The following B4GALT6 variants were observed in gnomAD, a reference collection of about 807,000 sequenced individuals.
The protein encoded by B4GALT6 is UDP-Gal:beta-GlcNAc beta-1,4-galactosyltransferase 6.
In B4GALT6, 14 loss-of-function variants were observed where a neutral mutation model predicts 46.3. The observed-to-expected ratio is 0.30, with a 90% confidence interval of 0.20 to 0.47. The LOEUF is 0.47. Ranked by LOEUF, B4GALT6 falls within the 20% of genes least tolerant of loss-of-function variation. The pLI is 0.99. For synonymous variants in B4GALT6, 168 were observed against 162.0 expected (o/e 1.04, Z -0.28); for missense variants, 386 against 480.1 (o/e 0.80, Z 1.83).
intron 1 of B4GALT6, among the ~76,000 whole-genome samples, chr18:31,676,756 G>A (rs902299677): frequency 1.3e-5 from 2 of 152,162 alleles, no homozygotes; most frequent in Admixed American, 6.5e-5. Context: ...ACCATTTGGG[G>A]TATTTTTCAG....
the B4GALT6 span, among the ~76,000 whole-genome samples, chr18:31,709,304 A>G: frequency 6.6e-6 from 1 of 151,654 alleles, no homozygotes; most frequent in South Asian, 2.1e-4. Flanking sequence ...ACCTCAAGCA[A>G]TCCTTCCTCT....
the B4GALT6 span, among the ~76,000 whole-genome samples, chr18:31,708,605 AC>A: frequency 1.3e-5 from 2 of 152,110 alleles, no homozygotes; most frequent in African/African-American, 4.8e-5. Context: ...AATTAAAAAA[AC>A]CACTAGAATA....
chr18:31,700,468 T>TGTGTGTGAGTGTGTGTGTGA, the B4GALT6 span, among the ~76,000 whole-genome samples: 7 of 148,280 alleles, frequency 4.7e-5, 1 homozygote, highest in Non-Finnish European at 1.0e-4. Flanking sequence ...TGTGTGTGTG[T>TGTGTGTGAGTGTGTGTGTGA]GAGAGAGAGA....
At chr18:31,660,259 AAT>A (rs962339870) in intron 2 of B4GALT6, among the ~76,000 whole-genome samples, 6 of 151,962 alleles carry the variant, frequency 3.9e-5, no homozygotes, top group Non-Finnish European at 7.4e-5. Flanking sequence ...TGATTCTTTA[AAT>A]ATATATATCT....
At chr18:31,631,908 TA>T (rs2073796259) in intron 5 of B4GALT6, among the ~76,000 whole-genome samples, 3 of 152,192 alleles carry the variant, frequency 2.0e-5, no homozygotes. Context: ...TAGTTTCTAT[TA>T]TTGCTTATGA....
At chr18:31,642,845 C>T (rs979590904) in intron 4 of B4GALT6, among the ~76,000 whole-genome samples, 2 of 152,150 alleles carry the variant, frequency 1.3e-5, no homozygotes, top group South Asian at 2.1e-4. Context: ...CCACCACGCC[C>T]GGCTAATTTT....
the B4GALT6 span, among the ~76,000 whole-genome samples, chr18:31,699,792 G>A: frequency 6.6e-6 from 1 of 152,152 alleles, no homozygotes; most frequent in African/African-American, 2.4e-5. Flanking sequence ...TACATAAAGT[G>A]TAATAACTCA....
At chr18:31,650,334 A>G (rs370602124) in intron 3 of B4GALT6, among the ~76,000 whole-genome samples, 1 of 152,240 alleles carries the variant, frequency 6.6e-6, no homozygotes, top group Non-Finnish European at 1.5e-5. Context: ...AACTGAACAC[A>G]TTTCAACGGC....
chr18:31,690,587 C>T (rs918094422), upstream of B4GALT6, among the ~76,000 whole-genome samples: 3 of 152,160 alleles, frequency 2.0e-5, no homozygotes, highest in Non-Finnish European at 4.4e-5. Flanking sequence ...CTGCTGGCCT[C>T]AGCCTCCCAA....
At chr18:31,641,220 A>C (rs553873784) in intron 4 of B4GALT6, among the ~76,000 whole-genome samples, 2 of 152,248 alleles carry the variant, frequency 1.3e-5, no homozygotes, top group African/African-American at 4.8e-5. Flanking sequence ...GTAAAGTTCT[A>C]GCTCCTAATA....
upstream of B4GALT6, among the ~76,000 whole-genome samples, chr18:31,685,110 C>T (rs1195392046): frequency 6.8e-6 from 1 of 146,218 alleles, no homozygotes; most frequent in Non-Finnish European, 1.5e-5. Flanking sequence ...CCCGGCGCCC[C>T]GCGGCCGCCG....
intron 1 of B4GALT6, among the ~76,000 whole-genome samples, chr18:31,671,127 T>C (rs985618983): frequency 2.0e-5 from 3 of 152,226 alleles, no homozygotes; most frequent in African/African-American, 7.2e-5. Context: ...GTGCCACATT[T>C]TCTTAATCCA....
the B4GALT6 span, among the ~76,000 whole-genome samples, chr18:31,716,450 C>G: frequency 6.6e-6 from 1 of 152,200 alleles, no homozygotes; most frequent in Non-Finnish European, 1.5e-5. Flanking sequence ...TTACCTCCAC[C>G]ACCTAGTTCA....
At chr18:31,716,725 T>C in the B4GALT6 span, among the ~76,000 whole-genome samples, 1 of 152,192 alleles carries the variant, frequency 6.6e-6, no homozygotes, top group Non-Finnish European at 1.5e-5. Context: ...GAGCAATCTC[T>C]TGGAGGTACC....
At chr18:31,634,864 A>G (rs1015313299) in intron 5 of B4GALT6, among the ~76,000 whole-genome samples, 3 of 152,222 alleles carry the variant, frequency 2.0e-5, no homozygotes, top group Non-Finnish European at 4.4e-5. Context: ...GTTTGAAAAT[A>G]AAAACGCAGA....
intron 5 of B4GALT6, among the ~76,000 whole-genome samples, chr18:31,634,525 C>T (rs1175671948): frequency 6.6e-6 from 1 of 152,186 alleles, no homozygotes; most frequent in African/African-American, 2.4e-5. Context: ...CATCAGCACT[C>T]CATCTGCTTC....
chr18:31,724,232 T>C, the B4GALT6 span: 1 of 338,628 alleles, frequency 3.0e-6, no homozygotes. Context: ...CCCTAATGGC[T>C]CCTGCTCAGT....
the B4GALT6 span, chr18:31,724,384 T>TC: frequency 9.1e-7 from 1 of 1,096,864 alleles, no homozygotes; most frequent in Non-Finnish European, 1.1e-6. Flanking sequence ...GACCTCTGAC[T>TC]CCCTGGGGCC....
chr18:31,689,751 G>A (rs146105949), upstream of B4GALT6, among the ~76,000 whole-genome samples: 1 of 152,098 alleles, frequency 6.6e-6, no homozygotes, highest in African/African-American at 2.4e-5. Flanking sequence ...GAAAAAAAGA[G>A]GCCACCTTCA....
Sources: gnomAD v4.1 joint callset for allele counts (sites outside exome capture counted in the v4.1 genomes callset) on GRCh38, gnomAD v4.1.1 for gene constraint, MANE v1.5 for transcripts, NCBI Gene and HGNC (gene_info 2026-07-23, HGNC 2026-07-21) for gene names.